The following DGKI variants were observed in gnomAD, a reference collection of about 807,000 sequenced individuals.
DGKI encodes diacylglycerol kinase iota, also known as DAG kinase iota.
In DGKI, 55 loss-of-function variants were observed where a neutral mutation model predicts 147.5. That is an observed-to-expected ratio of 0.37 (90% CI 0.30 to 0.47). The LOEUF is 0.47. Ranked by LOEUF, DGKI falls within the 20% of genes least tolerant of loss-of-function variation. DGKI has a pLI of 1.00. For synonymous variants in DGKI, 469 were observed against 477.1 expected, an observed-to-expected ratio of 0.98 and a Z score of 0.22; for missense variants, 1,007 against 1,323.8, an observed-to-expected ratio of 0.76 and a Z score of 3.71.
chr7:137,414,651 A>G (rs2128902704), intron 28 of DGKI, among the ~76,000 whole-genome samples: 1 of 152,164 alleles, frequency 6.6e-6, no homozygotes, highest in African/African-American at 2.4e-5. Flanking sequence ...CCAAATCAGC[A>G]CCATAATACA....
intron 1 of DGKI, among the ~76,000 whole-genome samples, chr7:137,790,479 A>G (rs1220342852): frequency 3.9e-5 from 6 of 152,258 alleles, no homozygotes. Context: ...CTTCCAACCA[A>G]CTGGCTGCTG....
intron 3 of DGKI, 40 bp downstream of exon 3, chr7:137,678,517 T>C (rs746349816): frequency 1.3e-6 from 2 of 1,596,110 alleles, no homozygotes; most frequent in Non-Finnish European, 1.7e-6. Flanking sequence ...TTCATTCAGA[T>C]CCACAGGCCT....
rs186972822 is a variant in DGKI, at chr7:137,438,731, T to C, written c.2761+5346A>G. 4.5e-3 allele frequency among the ~76,000 whole-genome samples: 689 copies of C among 152,276 alleles called. 5 individuals carry two copies. Among genetic ancestry groups the C allele is most frequent in the Non-Finnish European group, 7.9e-3 (539 of 68,008 alleles). ...GGATATATAAATTGGTATATACTCA[T>C]ACAATAGAGTAGTATACAACATGAA... On this transcript the variant is annotated intron_variant, in intron 28 of 32. Transcript: ENST00000614521.
chr7:137,564,949 A>G (rs1158374669), intron 19 of DGKI, among the ~76,000 whole-genome samples: 4 of 152,204 alleles, frequency 2.6e-5, no homozygotes, highest in African/African-American at 9.6e-5. Flanking sequence ...TGTCTACTAA[A>G]TCACTTCTCA....
intron 23 of DGKI, among the ~76,000 whole-genome samples, chr7:137,472,422 C>T (rs374768031): frequency 0.027 from 256 of 9,450 alleles, 2 homozygotes; most frequent in Middle Eastern, 0.058. Context: ...TATACATATA[C>T]ATATTATATG....
Position 137,809,296 on chromosome 7 carries a change from A to C in DGKI, c.401+37166T>G, listed in dbSNP as rs181769561. 2.0e-5 allele frequency among the ~76,000 whole-genome samples: 3 copies of C among 152,346 alleles called. No homozygotes were observed. The East Asian group carries it at 5.8e-4, about 29-fold the overall frequency. On this transcript the variant is annotated intron_variant, in intron 1 of 32. Coordinates refer to ENST00000614521, the MANE Select transcript of DGKI (RefSeq NM_001321708.2). The stretch of plus-strand genomic sequence containing the variant: ...GCAATAATAAAGATAATAATAGCTC[A>C]TACTCATTGATGTCTCGGGCACAGT...
chr7:137,737,067 G>A (rs1180803805), intron 1 of DGKI, among the ~76,000 whole-genome samples: 3 of 151,900 alleles, frequency 2.0e-5, no homozygotes, highest in African/African-American at 2.4e-5. Flanking sequence ...AAAGCTAAAC[G>A]TGATTGGACA....
At chr7:137,652,383 A>G (rs957967479) in intron 5 of DGKI, among the ~76,000 whole-genome samples, 1 of 152,176 alleles carries the variant, frequency 6.6e-6, no homozygotes, top group African/African-American at 2.4e-5. Context: ...ACATTGACCT[A>G]TCAATTGAGA....
chr7:137,571,628 T>A (rs959212531), intron 18 of DGKI, among the ~76,000 whole-genome samples: 1 of 152,134 alleles, frequency 6.6e-6, no homozygotes, highest in African/African-American at 2.4e-5. Context: ...AAGGAAGATG[T>A]ATGCATGCCA....
In DGKI at chr7:137,466,112, T is replaced by C. The variant is rs1814648013; in HGVS notation, c.2485-77A>G. ...TTGGTCTCGAGGAATAATGAAATTC[T>C]GCAACGTGTCAAAGGATCACACTGT... On this transcript the variant is annotated intron_variant, in intron 25 of 32. Transcript: ENST00000614521. 2.6e-6 allele frequency: 4 copies of C among 1,534,880 alleles called. No individual in the cohort carries two copies. The East Asian group carries it at 9.1e-5, about 35-fold the overall frequency.
chr7:137,798,028 T>C (rs377104022), intron 1 of DGKI, among the ~76,000 whole-genome samples: 17 of 152,276 alleles, frequency 1.1e-4, no homozygotes, highest in African/African-American at 4.1e-4. Context: ...ACATCAGTAC[T>C]GATCTTACTG....
chr7:137,408,054 TAACCGGTAATAAAATGAGA>T, intron 29 of DGKI, 59 bp from the exon 30 acceptor site: 2 of 1,590,792 alleles, frequency 1.3e-6, no homozygotes. Flanking sequence ...GGATAACAGC[TAACCGGTAATAAAATGAGA>T]GTCATGTAGC....
At chr7:137,709,303 G>A (rs1050289740) in intron 1 of DGKI, among the ~76,000 whole-genome samples, 2 of 152,118 alleles carry the variant, frequency 1.3e-5, no homozygotes, top group Admixed American at 6.5e-5. Context: ...ACAGAGTTTC[G>A]TGTGTAGGGA....
intron 23 of DGKI, among the ~76,000 whole-genome samples, chr7:137,475,623 A>G (rs563755935): frequency 3.3e-5 from 5 of 152,348 alleles, no homozygotes; most frequent in Admixed American, 1.3e-4. Flanking sequence ...ATTAAAGCCA[A>G]TGAAATGCAA....
chr7:137,597,949 C>T, intron 11 of DGKI, 42 bp from the exon 12 acceptor site: 1 of 1,576,396 alleles, frequency 6.3e-7, no homozygotes, highest in African/African-American at 1.3e-5. Context: ...AAGAACATTT[C>T]ACTGGCTAGA....
chr7:137,668,122 T>C (rs777039200), intron 3 of DGKI, among the ~76,000 whole-genome samples: 2 of 152,222 alleles, frequency 1.3e-5, no homozygotes, highest in Non-Finnish European at 2.9e-5. Flanking sequence ...TCTTTGCTAG[T>C]GGTAACCTGG....
intron 1 of DGKI, among the ~76,000 whole-genome samples, chr7:137,811,384 T>TCTCA (rs1380704608): frequency 7.6e-5 from 10 of 132,206 alleles, no homozygotes; most frequent in South Asian, 2.5e-4. Flanking sequence ...TCTCTCTCTC[T>TCTCA]CACACACACA....
At position 137,587,102 on chromosome 7, in the gene DGKI, C is replaced by T. The variant is rs1819433496; in HGVS notation, c.1420G>A (p.Gly474Arg). The change falls in exon 13 of 33, where the codon GGA becomes AGA. Residue 474 changes from glycine (G) to arginine (R), a missense_variant. By Grantham distance (125) the Gly-to-Arg change is moderately radical. Coordinates refer to ENST00000614521, the MANE Select transcript of DGKI (RefSeq NM_001321708.2). Reference protein sequence around the residue: ...GNDLARTLNWGGGYTDEPVSK... With the variant: ...GNDLARTLNWRGGYTDEPVSK... ...TCCCCGAGAGCAGTTCTTACCCCTCCCCAGTTGAGAGTTCGAGCCAGGTCA... is the reference window on the plus strand; with the variant it reads ...TCCCCGAGAGCAGTTCTTACCCCTCTCCAGTTGAGAGTTCGAGCCAGGTCA... The T allele has an allele frequency of 1.3e-6, 2 of 1,599,016 alleles. No individual in the cohort carries two copies. The highest frequency in any genetic ancestry group is 1.7e-6 in the Non-Finnish European group (2 of 1,175,122).
intron 30 of DGKI, among the ~76,000 whole-genome samples, chr7:137,401,187 G>C (rs1811744016): frequency 6.6e-6 from 1 of 152,146 alleles, no homozygotes; most frequent in African/African-American, 2.4e-5. Flanking sequence ...AAGTTAATTT[G>C]AGTCTCACTA....
Sources: allele counts gnomAD v4.1 joint callset (sites outside exome capture counted in the v4.1 genomes callset), GRCh38; gene constraint gnomAD v4.1.1; transcripts MANE v1.5; gene names NCBI Gene and HGNC (gene_info 2026-07-23, HGNC 2026-07-21).